The following DOCK11 variants were observed in gnomAD, a reference collection of about 807,000 sequenced individuals.
The protein encoded by DOCK11 is dedicator of cytokinesis protein 11.
DOCK11 carries 70 observed loss-of-function variants against 169.1 expected under a neutral mutation model. The observed-to-expected ratio is 0.41, with a 90% CI of 0.34 to 0.51. DOCK11 has a LOEUF of 0.51. DOCK11 is among the 20% of genes least tolerant of loss of function. DOCK11 has a pLI of 0.10. For synonymous variants in DOCK11, 529 were observed against 541.3 expected (o/e 0.98, Z 0.32); for missense variants, 1,166 against 1,538.8 (o/e 0.76, Z 4.05).
Position 118,597,413 on chromosome X carries a change from T to A in DOCK11, c.2264-18T>A, listed in dbSNP as rs190965253. 2,407 of 1,207,829 alleles carry A rather than the reference T, an allele frequency of 2.0e-3. 5 individuals carry two copies. The highest frequency in any genetic ancestry group is 2.5e-3 in the Non-Finnish European group (2,268 of 894,324). ...CATTTGATATTTCATTTCTCACAGT[T>A]TGTTATTATCTTGGCAGTTGGGTTT... On this transcript the variant is annotated intron_variant, in intron 20 of 52. Transcript: ENST00000276202.
chrX:118,571,414 C>T (rs2013270209), intron 10 of DOCK11, among the ~76,000 whole-genome samples: 1 of 109,126 alleles, frequency 9.2e-6, no homozygotes, highest in Non-Finnish European at 1.9e-5. Flanking sequence ...GCAGTGGCAC[C>T]ATCATAGCTC....
At chrX:118,674,673 A>C (rs1305630979) in intron 46 of DOCK11, among the ~76,000 whole-genome samples, 1 of 111,917 alleles carries the variant, frequency 8.9e-6, no homozygotes, top group Non-Finnish European at 1.9e-5. Flanking sequence ...AATTCTCTTG[A>C]ATATATACTA....
At chrX:118,631,416 G>T (rs896372728) in intron 35 of DOCK11, among the ~76,000 whole-genome samples, 1 of 111,416 alleles carries the variant, frequency 9.0e-6, no homozygotes, top group Admixed American at 9.5e-5. Flanking sequence ...AAAATAACTG[G>T]AATATTCAAG....
rs1231590338 is a variant in DOCK11, at chrX:118,581,804, C to CT, written c.1595+1626dup. Among the ~76,000 whole-genome samples, 3 of 24,047 alleles carry CT rather than the reference C, an allele frequency of 1.2e-4. No individual in the cohort carries two copies. The East Asian group carries it at 3.1e-3, about 25-fold the overall frequency. 20.9% of individuals were successfully genotyped at this position (24,047 alleles called of 115,157 possible). ...GGGCGACAGAGCGAGACTCCGTCTCCTAAAAAAAAAAAAAAAAAAAAAAAA... is the reference window on the plus strand; with the variant it reads ...GGGCGACAGAGCGAGACTCCGTCTCCTTAAAAAAAAAAAAAAAAAAAAAAAA... On this transcript the variant is annotated intron_variant, in intron 14 of 52. Coordinates refer to ENST00000276202, the MANE Select transcript of DOCK11 (RefSeq NM_144658.4).
chrX:118,500,181 TG>T (rs1257467983), intron 1 of DOCK11, among the ~76,000 whole-genome samples: 1 of 109,746 alleles, frequency 9.1e-6, no homozygotes, highest in Non-Finnish European at 1.9e-5. Flanking sequence ...CCCGAGTAGC[TG>T]GGACTACAGG....
chrX:118,598,201 A>C (rs112551171), intron 22 of DOCK11, 85 bp downstream of exon 22: 7,118 of 688,816 alleles, frequency 0.01, 116 homozygotes, highest in South Asian at 0.093. Flanking sequence ...CTACAGCCTT[A>C]GAGAATATGT....
At chrX:118,525,657 A>G (rs73585565) in intron 1 of DOCK11, among the ~76,000 whole-genome samples, 1,189 of 111,770 alleles carry the variant, frequency 0.011, 17 homozygotes, top group African/African-American at 0.037. Context: ...AGACACTTAT[A>G]TAGTATATAC....
intron 4 of DOCK11, among the ~76,000 whole-genome samples, chrX:118,544,341 AC>A (rs1379551261): frequency 9.0e-6 from 1 of 111,499 alleles, no homozygotes; most frequent in Non-Finnish European, 1.9e-5. Context: ...TCTACCACTT[AC>A]TAGCTGGATG....
At chrX:118,684,085 C>T (rs181654687) in intron 52 of DOCK11, among the ~76,000 whole-genome samples, 58 of 110,930 alleles carry the variant, frequency 5.2e-4, no homozygotes, top group African/African-American at 1.9e-3. Flanking sequence ...TATATTAATA[C>T]TGAGAAGTAA....
chrX:118,652,834 T>C (rs1386439228), intron 42 of DOCK11, among the ~76,000 whole-genome samples: 2 of 112,450 alleles, frequency 1.8e-5, no homozygotes, highest in African/African-American at 6.5e-5. Context: ...CCAGCACAGT[T>C]TGACAACATT....
rs193072131 is a variant in DOCK11 at position 118,554,160 on chromosome X, G to T, written c.559-7223G>T. 3.0e-3 allele frequency among the ~76,000 whole-genome samples: 333 copies of T among 111,406 alleles called. 3 individuals carry two copies. The highest frequency in any genetic ancestry group is 9.7e-3 in the African/African-American group (299 of 30,696). ...TGAGACTACAGGTGCATCCCACCAC[G>T]CCTGGCTACCAAATAGATATTGAAT... On this transcript the variant is annotated intron_variant, in intron 6 of 52. Transcript: ENST00000276202.
At chrX:118,560,071 C>T (rs577406866) in intron 6 of DOCK11, among the ~76,000 whole-genome samples, 2 of 110,786 alleles carry the variant, frequency 1.8e-5, no homozygotes. Flanking sequence ...ATTTATCAGT[C>T]TAACCTGTTA....
At chrX:118,503,074 CT>C (rs767017269) in intron 1 of DOCK11, among the ~76,000 whole-genome samples, 92 of 90,698 alleles carry the variant, frequency 1.0e-3, no homozygotes, top group Admixed American at 2.9e-3. Flanking sequence ...ATAACAAAGG[CT>C]TTTTTTTTTT....
intron 40 of DOCK11, among the ~76,000 whole-genome samples, chrX:118,645,581 CT>C (rs1238292166): frequency 9.1e-6 from 1 of 109,294 alleles, no homozygotes; most frequent in Non-Finnish European, 1.9e-5. Context: ...GTAATCCCAG[CT>C]ACTCAGGAGG....
chrX:118,630,928 CATT>C (rs1393401028), intron 35 of DOCK11, among the ~76,000 whole-genome samples: 1 of 111,582 alleles, frequency 9.0e-6, no homozygotes, highest in African/African-American at 3.3e-5. Flanking sequence ...GGAATGTCAT[CATT>C]ATCTTTGCAG....
intron 1 of DOCK11, among the ~76,000 whole-genome samples, chrX:118,530,139 C>G (rs1274157894): frequency 8.9e-6 from 1 of 112,740 alleles, no homozygotes; most frequent in African/African-American, 3.2e-5. Flanking sequence ...ATGAAATATT[C>G]TGGTTAATCT....
chrX:118,652,506 A>C (rs1038699387), intron 42 of DOCK11, among the ~76,000 whole-genome samples: 2 of 111,723 alleles, frequency 1.8e-5, no homozygotes, highest in African/African-American at 6.5e-5. Flanking sequence ...ATCCATTGCC[A>C]ATGGATGAGA....
chrX:118,636,813 CTGTG>C (rs1326175224), intron 36 of DOCK11, among the ~76,000 whole-genome samples: 5 of 103,730 alleles, frequency 4.8e-5, no homozygotes, highest in Non-Finnish European at 9.8e-5. Context: ...AGAAATGTGT[CTGTG>C]TATTTGTGTG....
chrX:118,576,547 G>A (rs1445198180), intron 12 of DOCK11, among the ~76,000 whole-genome samples: 2 of 111,829 alleles, frequency 1.8e-5, no homozygotes, highest in East Asian at 5.6e-4. Flanking sequence ...GCAAGTGGAG[G>A]TGGTGACAGT....
Sources: allele counts gnomAD v4.1 joint callset (sites outside exome capture counted in the v4.1 genomes callset), GRCh38; gene constraint gnomAD v4.1.1; transcripts MANE v1.5; gene names NCBI Gene and HGNC (gene_info 2026-07-23, HGNC 2026-07-21).